EXOC8: variants seen among roughly 807,000 people sequenced by gnomAD.
The protein encoded by EXOC8 is exocyst complex 84 kDa subunit.
In EXOC8, 19 loss-of-function variants were observed where a neutral mutation model predicts 50.8. The observed-to-expected ratio is 0.37, with a 90% CI of 0.26 to 0.55. EXOC8 has a LOEUF of 0.55. Among genes scored for constraint, EXOC8 ranks in the 20% least tolerant of loss-of-function variants. The pLI is 0.80. For synonymous variants in EXOC8, 384 were observed against 367.9 expected (o/e 1.04, Z -0.50); for missense variants, 781 against 915.8 (o/e 0.85, Z 1.90).
chr1:231,335,873 T>C lies in EXOC8; in HGVS notation c.1873A>G (p.Met625Val). ...YTVVAFTKQT[M>V]GFLEEALKLY... ...TTCAGGGCCTCTTCCAAGAAGCCCATGGTCTGTTTGGTGAAAGCAACCACT... is the reference window on the plus strand; with the variant it reads ...TTCAGGGCCTCTTCCAAGAAGCCCACGGTCTGTTTGGTGAAAGCAACCACT... The change falls in exon 1 of 1, where the codon ATG becomes GTG. Residue 625 changes from methionine to valine, a missense_variant. Coordinates refer to ENST00000366645, the MANE Select transcript of EXOC8 (RefSeq NM_175876.5). 6.2e-7 allele frequency: 1 copy of C among 1,614,176 alleles called. No homozygotes were observed. The highest frequency in any genetic ancestry group is 8.5e-7 in the Non-Finnish European group (1 of 1,180,036).
rs1686657857 is a variant in EXOC8 at position 231,335,789 on chromosome 1, C to T, written c.1957G>A (p.Val653Ile). ...CTATAATCCACATGCTGAACAGCAA[C>T]CAAAATGATTTCCACCAGGCTCTCC... is the stretch of plus-strand genomic sequence containing the variant. ...LLESLVEIIL[V>I]AVQHVDYSLR... Residue 653 changes from valine to isoleucine, a missense_variant, in exon 1 of 1, where the codon GTT (valine) becomes ATT (isoleucine). Val to Ile is a conservative substitution (Grantham distance 29). This residue lies in a region of EXOC8 where 79 missense variants were observed against 95.3 expected (regional missense o/e 0.83). Transcript: ENST00000366645. The T allele has an allele frequency of 1.2e-6, 2 of 1,614,160 alleles. No homozygotes were observed. Among genetic ancestry groups the T allele is most frequent in the African/African-American group, 1.3e-5 (1 of 75,036 alleles).
rs2102856597 is a variant in EXOC8 at position 231,337,729 on chromosome 1, G to A, written c.17C>T (p.Ser6Leu). The change falls in exon 1 of 1, where the codon TCG (serine) becomes TTG (leucine). Residue 6 changes from serine to leucine, a missense_variant. Ser to Leu is a moderately radical substitution (Grantham distance 145). Coordinates refer to ENST00000366645, the MANE Select transcript of EXOC8 (RefSeq NM_175876.5). This position sits in a 1 kb window ranked among gnomAD's most constrained non-coding sequence, Gnocchi z 5.9. ...ACGCAGGCGGCTCGCCCCACTGTCC[G>A]ACATCGCCATCGCCATTTCTCTCCG... MAMAM[S>L]DSGASRLRRQ... The A allele has an allele frequency of 2.5e-6, 4 of 1,598,554 alleles. No homozygotes were observed. The highest frequency in any genetic ancestry group is 3.4e-6 in the Non-Finnish European group (4 of 1,173,996).
chr1:231,336,110 G>T lies in EXOC8; in HGVS notation c.1636C>A (p.Leu546Ile). The change falls in exon 1 of 1, where the codon CTT becomes ATT. Residue 546 changes from leucine (L) to isoleucine (I), a missense_variant. Coordinates refer to ENST00000366645, the MANE Select transcript of EXOC8 (RefSeq NM_175876.5). The surrounding 1 kb of genome is among the most constrained non-coding windows in gnomAD (Gnocchi z 5.4). ...GLDLTFIIHALLVKDIQGALH... is the reference protein window; with the variant it reads ...GLDLTFIIHAILVKDIQGALH... ...GCCCCTTGGATGTCTTTCACCAGAA[G>T]GGCATGGATGATGAAGGTGAGATCC... The T allele has an allele frequency of 6.2e-7, 1 of 1,614,210 alleles. No individual in the cohort carries two copies. Among genetic ancestry groups the T allele is most frequent in the Non-Finnish European group, 8.5e-7 (1 of 1,180,044 alleles).
At position 231,334,534 on chromosome 1, in the gene EXOC8, T is replaced by A. The variant is rs778611135; in HGVS notation, c.*1034A>T. ...GTCCCCAATGTGTCTTGCTTATTAT[T>A]TTTTAAAATGTGACAAAGACAAAAG... On this transcript the variant is annotated 3_prime_UTR_variant, in exon 1 of 1. Transcript: ENST00000366645. The A allele has an allele frequency of 6.6e-6, 1 of 152,198 alleles. No individual in the cohort carries two copies. Among genetic ancestry groups the A allele is most frequent in the Non-Finnish European group, 1.5e-5 (1 of 68,034 alleles). The allele number at this position is 152,198 out of a possible 1,614,324, so 9.4% of individuals were successfully genotyped here. A position where few individuals can be genotyped will look rare whatever the true frequency, so the allele number is the denominator to read the frequency against.
Position 231,335,694 on chromosome 1 carries a change from T to A in EXOC8, c.2052A>T (p.Thr684=). The change falls in exon 1 of 1, where the codon ACA becomes ACT. Residue 684 remains threonine (T), a synonymous_variant. Coordinates refer to ENST00000366645, the MANE Select transcript of EXOC8 (RefSeq NM_175876.5). ...ACCTTTTCTCCACCACAGGGAGGAC[T>A]GTTTCATATAAAAAGGATGCATTCT... is the stretch of plus-strand genomic sequence containing the variant. The part of the protein sequence containing the change: ...IRQNASFLYE[T]VLPVVEKRFE... 3.1e-6 allele frequency: 5 copies of A among 1,614,186 alleles called. No individual in the cohort carries two copies. The highest frequency in any genetic ancestry group is 4.2e-6 in the Non-Finnish European group (5 of 1,180,026).
chr1:231,335,860 T>C lies in EXOC8; in HGVS notation c.1886A>G (p.Glu629Gly), dbSNP rs145210552. ...TGGGAAATACAGCTTCAGGGCCTCT[T>C]CCAAGAAGCCCATGGTCTGTTTGGT... The part of the protein sequence containing the change: ...AFTKQTMGFL[E>G]EALKLYFPEL... Residue 629 changes from glutamate to glycine, a missense_variant, in exon 1 of 1, where the codon GAA (glutamate) becomes GGA (glycine). Transcript: ENST00000366645. 6.2e-7 allele frequency: 1 copy of C among 1,614,166 alleles called. No individual in the cohort carries two copies. Among genetic ancestry groups the C allele is most frequent in the South Asian group, 1.1e-5 (1 of 91,084 alleles).
Position 231,337,692 on chromosome 1 carries a change from C to G in EXOC8, c.54G>C (p.Glu18Asp). Residue 18 changes from glutamate (E) to aspartate (D), a missense_variant, in exon 1 of 1, where the codon GAG becomes GAC. Coordinates refer to ENST00000366645, the MANE Select transcript of EXOC8 (RefSeq NM_175876.5). The surrounding 1 kb of genome is among the most constrained non-coding windows in gnomAD (Gnocchi z 5.9). ...ACAGCCGCGCCTCAAAACCCCCTGA[C>G]TCCAGCTGCCGACGCAGGCGGCTCG... Reference protein sequence around the residue: ...SGASRLRRQLESGGFEARLYV... With the variant: ...SGASRLRRQLDSGGFEARLYV... 6.2e-7 allele frequency: 1 copy of G among 1,607,524 alleles called. No individual in the cohort carries two copies. The highest frequency in any genetic ancestry group is 8.5e-7 in the Non-Finnish European group (1 of 1,178,722).
In EXOC8 at chr1:231,336,170, T is replaced by C; in HGVS notation, c.1576A>G (p.Lys526Glu). 6.2e-7 allele frequency: 1 copy of C among 1,614,176 alleles called. No individual in the cohort carries two copies. The highest frequency in any genetic ancestry group is 8.5e-7 in the Non-Finnish European group (1 of 1,180,020). Residue 526 changes from lysine to glutamate, a missense_variant, in exon 1 of 1, where the codon AAG becomes GAG. Physicochemically the swap from Lys to Glu is moderately conservative, Grantham distance 56. Around this residue, in one of 3 missense-constraint regions of EXOC8, gnomAD observed 700 missense variants for 804.1 expected, o/e 0.87. Coordinates refer to ENST00000366645, the MANE Select transcript of EXOC8 (RefSeq NM_175876.5). This position sits in a 1 kb window ranked among gnomAD's most constrained non-coding sequence, Gnocchi z 5.4. ...TCACCCAGTTGCTGGCAATGCTCCT[T>C]AGCCACTTTTACACACTCAGCTGCT... Reference protein sequence around the residue: ...STAAECVKVAKEHCQQLGDIG... With the variant: ...STAAECVKVAEEHCQQLGDIG...
Position 231,335,981 on chromosome 1 carries a change from G to A in EXOC8, c.1765C>T (p.Leu589Phe). The change falls in exon 1 of 1, where the codon CTC becomes TTC. Residue 589 changes from leucine to phenylalanine, a missense_variant. By Grantham distance (22) the Leu-to-Phe change is conservative (BLOSUM62 0). Coordinates refer to ENST00000366645, the MANE Select transcript of EXOC8 (RefSeq NM_175876.5). ...NLMTPEALGK[L>F]KEEMKSCGVS... ...CCACAACTTTTCATCTCTTCTTTGA[G>A]CTTACCCAGGGCTTCTGGCGTCATC... The A allele has an allele frequency of 1.2e-6, 2 of 1,614,156 alleles. No homozygotes were observed. The highest frequency in any genetic ancestry group is 1.1e-5 in the South Asian group (1 of 91,082).
In EXOC8 at chr1:231,336,646, A is replaced by G. The variant is rs1476762791; in HGVS notation, c.1100T>C (p.Leu367Pro). ...VDLLDKLNHY[L>P]EDKPSPPPVK... is the part of the protein sequence containing the mutation. ...AGGAGGTGGGCTAGGTTTATCTTCC[A>G]GGTAATGGTTCAATTTATCCAGCAG... Residue 367 changes from leucine to proline, a missense_variant, in exon 1 of 1, where the codon CTG becomes CCG. Leu to Pro is a moderately conservative substitution (Grantham distance 98, BLOSUM62 -3). This residue lies in a region of EXOC8 where 700 missense variants were observed against 804.1 expected (regional missense o/e 0.87). Transcript: ENST00000366645. This position sits in a 1 kb window ranked among gnomAD's most constrained non-coding sequence, Gnocchi z 5.4. The G allele has an allele frequency of 6.2e-7, 1 of 1,614,046 alleles. No individual in the cohort carries two copies. The highest frequency in any genetic ancestry group is 1.1e-5 in the South Asian group (1 of 91,088).
chr1:231,335,342 T>C lies in EXOC8; in HGVS notation c.*226A>G. ...TCAGAAGAAGAGAATTAGCATAATT[T>C]AAAAGGATAGCTAGCATACTATACG... On this transcript the variant is annotated 3_prime_UTR_variant, in exon 1 of 1. Transcript: ENST00000366645. The C allele has an allele frequency of 2.9e-6, 1 of 343,778 alleles. No individual in the cohort carries two copies. Among genetic ancestry groups the C allele is most frequent in the Non-Finnish European group, 5.1e-6 (1 of 195,890 alleles). 21.3% of individuals were successfully genotyped at this position (343,778 alleles called of 1,614,324 possible). A position where few individuals can be genotyped will look rare whatever the true frequency, so the allele number is the denominator to read the frequency against.
chr1:231,335,597 T>C lies in EXOC8; in HGVS notation c.2149A>G (p.Asn717Asp). ...LRNASRLIRV[N>D]PESTTSVV ...ACCACTGATGTTGTACTTTCAGGAT[T>C]CACACGAATAAGTCTAGATGCATTC... Residue 717 changes from asparagine (N) to aspartate (D), a missense_variant, in exon 1 of 1, where the codon AAT (asparagine) becomes GAT (aspartate). Asn to Asp is a conservative substitution (Grantham distance 23). This residue lies in a region of EXOC8 where 79 missense variants were observed against 95.3 expected (regional missense o/e 0.83). Transcript: ENST00000366645. 2 of 1,612,112 alleles carry C rather than the reference T, an allele frequency of 1.2e-6. No homozygotes were observed. Among genetic ancestry groups the C allele is most frequent in the Non-Finnish European group, 1.7e-6 (2 of 1,179,036 alleles).
In EXOC8 at chr1:231,336,970, C is replaced by G. The variant is rs774543887; in HGVS notation, c.776G>C (p.Ser259Thr). 1 of 1,614,186 alleles carries G rather than the reference C, an allele frequency of 6.2e-7. No homozygotes were observed. Among genetic ancestry groups the G allele is most frequent in the Non-Finnish European group, 8.5e-7 (1 of 1,180,048 alleles). ...DMFKLLMFPE[S>T]RIFQAENAKI... is the part of the protein sequence containing the mutation. The stretch of plus-strand genomic sequence containing the variant: ...AGCATTTTCGGCCTGGAAAATACGG[C>G]TCTCGGGGAACATAAGCAGCTTGAA... The change falls in exon 1 of 1, where the codon AGC (serine) becomes ACC (threonine). Residue 259 changes from serine (S) to threonine (T), a missense_variant. Physicochemically the swap from Ser to Thr is moderately conservative, Grantham distance 58. Coordinates refer to ENST00000366645, the MANE Select transcript of EXOC8 (RefSeq NM_175876.5). This position sits in a 1 kb window ranked among gnomAD's most constrained non-coding sequence, Gnocchi z 5.4.
At position 231,336,016 on chromosome 1, in the gene EXOC8, C is replaced by A. The variant is rs779945695; in HGVS notation, c.1730G>T (p.Arg577Met). 4 of 1,614,198 alleles carry A rather than the reference C, an allele frequency of 2.5e-6. No individual in the cohort carries two copies. In the Admixed American group the frequency reaches 6.7e-5, roughly 27 times the overall value. Residue 577 changes from arginine to methionine, a missense_variant, in exon 1 of 1, where the codon AGG (arginine) becomes ATG (methionine). Transcript: ENST00000366645. This position sits in a 1 kb window ranked among gnomAD's most constrained non-coding sequence, Gnocchi z 5.4. ...GGCTTCTGGCGTCATCAAGTTCATC[C>A]TCCTCCACATCTCTTCAGAGTTGCG... ...KHRNSEEMWRRMNLMTPEALG... is the reference protein window; with the variant it reads ...KHRNSEEMWRMMNLMTPEALG...
rs1216409134 is a variant in EXOC8 at position 231,333,489 on chromosome 1, T to C, written c.*2079A>G. On this transcript the variant is annotated 3_prime_UTR_variant, in exon 1 of 1. Transcript: ENST00000366645. ...CAAGTTTTTACAACTTCATGCCTTA[T>C]GAGGAATTTTGATTTCAGAAGTATC... is the stretch of plus-strand genomic sequence containing the variant. The C allele has an allele frequency of 6.5e-6, 1 of 152,684 alleles. No individual in the cohort carries two copies. Among genetic ancestry groups the C allele is most frequent in the Non-Finnish European group, 1.5e-5 (1 of 68,044 alleles). 9.5% of individuals were successfully genotyped at this position (152,684 alleles called of 1,614,324 possible). A position where few individuals can be genotyped will look rare whatever the true frequency, so the allele number is the denominator to read the frequency against.
In EXOC8 at chr1:231,336,824, C is replaced by T. The variant is rs768189494; in HGVS notation, c.922G>A (p.Ala308Thr). 1.2e-6 allele frequency: 2 copies of T among 1,614,140 alleles called. No individual in the cohort carries two copies. Among genetic ancestry groups the T allele is most frequent in the Non-Finnish European group, 1.7e-6 (2 of 1,180,028 alleles). The change falls in exon 1 of 1, where the codon GCC becomes ACC. Residue 308 changes from alanine (A) to threonine (T), a missense_variant. This residue lies in a region of EXOC8 where 700 missense variants were observed against 804.1 expected (regional missense o/e 0.87). Coordinates refer to ENST00000366645, the MANE Select transcript of EXOC8 (RefSeq NM_175876.5). This position sits in a 1 kb window ranked among gnomAD's most constrained non-coding sequence, Gnocchi z 5.4. ...TCGTCATCCTCAAATGGGTTAGTGG[C>T]CTTGGAAGTCACTTGGGGTGGCCCT... ...PRGPPQVTSK[A>T]TNPFEDDEEE...
rs1558357789 is a variant in EXOC8, at chr1:231,336,683, C to T, written c.1063G>A (p.Gly355Arg). Residue 355 changes from glycine (G) to arginine (R), a missense_variant, in exon 1 of 1, where the codon GGG becomes AGG. By Grantham distance (125) the Gly-to-Arg change is moderately radical. This residue lies in a region of EXOC8 where 700 missense variants were observed against 804.1 expected (regional missense o/e 0.87). Transcript: ENST00000366645. The surrounding 1 kb of genome is among the most constrained non-coding windows in gnomAD (Gnocchi z 5.4). ...AATTTATCCAGCAGGTCAACCGCCC[C>T]TTCAAAGTCTCTCTGCGCAATGCAG... ...DVCIAQRDFE[G>R]AVDLLDKLNH... 3 of 1,614,226 alleles carry T rather than the reference C, an allele frequency of 1.9e-6. No homozygotes were observed. Among genetic ancestry groups the T allele is most frequent in the Non-Finnish European group, 2.5e-6 (3 of 1,180,038 alleles).
chr1:231,335,999 G>C lies in EXOC8; in HGVS notation c.1747C>G (p.Pro583Ala). ...TCTTTGAGCTTACCCAGGGCTTCTG[G>C]CGTCATCAAGTTCATCCTCCTCCAC... The part of the protein sequence containing the change: ...EMWRRMNLMT[P>A]EALGKLKEEM... Residue 583 changes from proline (P) to alanine (A), a missense_variant, in exon 1 of 1, where the codon CCA becomes GCA. Transcript: ENST00000366645. 3 of 1,614,144 alleles carry C rather than the reference G, an allele frequency of 1.9e-6. 1 individual carries two copies. In the South Asian group the frequency reaches 3.3e-5, roughly 18 times the overall value.
chr1:231,335,844 C>G lies in EXOC8; in HGVS notation c.1902G>C (p.Leu634=), dbSNP rs2102854587. Residue 634 remains leucine (L), a synonymous_variant, in exon 1 of 1, where the codon CTG becomes CTC. Transcript: ENST00000366645. ...GTACCATGTGCAGCTCTGGGAAATA[C>G]AGCTTCAGGGCCTCTTCCAAGAAGC... ...TMGFLEEALK[L]YFPELHMVLL... 2 of 1,614,172 alleles carry G rather than the reference C, an allele frequency of 1.2e-6. No individual in the cohort carries two copies. Among genetic ancestry groups the G allele is most frequent in the South Asian group, 1.1e-5 (1 of 91,084 alleles).
Sources: gnomAD v4.1 joint callset for allele counts on GRCh38, gnomAD v4.1.1 for gene constraint, gnomAD v4.1.1 regional missense constraint, Gnocchi (gnomAD v3.1) non-coding constraint, MANE v1.5 for transcripts, NCBI Gene and HGNC (gene_info 2026-07-23, HGNC 2026-07-21) for gene names.